The following ENTHD1 variants were observed in gnomAD, a reference collection of about 807,000 sequenced individuals.
ENTHD1 encodes the protein ENTH domain containing 1.
In ENTHD1, 23 loss-of-function variants were observed where a neutral mutation model predicts 39.1. That is an observed-to-expected ratio of 0.59 (90% CI 0.42 to 0.83). The LOEUF (loss-of-function observed/expected upper bound fraction) is 0.83. Among genes scored for constraint, ENTHD1 ranks in the 40% least tolerant of loss-of-function variants. ENTHD1 has a pLI of 0.00. For missense variants in ENTHD1, 624 were observed against 705.4 expected (o/e 0.88, Z 1.31); for synonymous variants, 230 against 258.2 (o/e 0.89, Z 1.05).
chr22:39,836,086 C>T, intron 3 of ENTHD1, 128 bp from the exon 4 acceptor site: 1 of 559,738 alleles, frequency 1.8e-6, no homozygotes, highest in African/African-American at 1.9e-5. Flanking sequence ...AAACCATCTG[C>T]CAGTGGTAAC....
intron 2 of ENTHD1, among the ~76,000 whole-genome samples, chr22:39,869,534 G>A (rs191266361): frequency 6.6e-5 from 10 of 152,030 alleles, no homozygotes; most frequent in African/African-American, 2.4e-4. Context: ...ATTAGTACAC[G>A]GGTGATGGGA....
At chr22:39,821,767 A>G (rs1264526999) in intron 4 of ENTHD1, among the ~76,000 whole-genome samples, 1 of 152,216 alleles carries the variant, frequency 6.6e-6, no homozygotes, top group African/African-American at 2.4e-5. Context: ...TAGCAAGTCA[A>G]GGTGCTGGCA....
intron 6 of ENTHD1, among the ~76,000 whole-genome samples, chr22:39,753,403 G>C (rs537354481): frequency 6.6e-6 from 1 of 152,286 alleles, no homozygotes; most frequent in South Asian, 2.1e-4. Context: ...GCTGTTCCAA[G>C]AACAGAGTTA....
At chr22:39,872,503 C>G (rs1804231592) in intron 2 of ENTHD1, among the ~76,000 whole-genome samples, 1 of 152,172 alleles carries the variant, frequency 6.6e-6, no homozygotes, top group African/African-American at 2.4e-5. Flanking sequence ...AACCTCCCCC[C>G]ACTGCCCAAC....
chr22:39,828,275 T>C (rs577609659), intron 4 of ENTHD1, among the ~76,000 whole-genome samples: 22 of 152,284 alleles, frequency 1.4e-4, no homozygotes, highest in African/African-American at 4.3e-4. Flanking sequence ...TGTGATGTTG[T>C]CTGAACACTT....
chr22:39,877,814 T>TG (rs2066304025), intron 2 of ENTHD1, among the ~76,000 whole-genome samples: 1 of 152,146 alleles, frequency 6.6e-6, no homozygotes, highest in Non-Finnish European at 1.5e-5. Flanking sequence ...CTAACTGATC[T>TG]GGAAGATCAG....
intron 6 of ENTHD1, among the ~76,000 whole-genome samples, chr22:39,759,991 C>T (rs1046715028): frequency 6.6e-6 from 1 of 151,314 alleles, no homozygotes; most frequent in Non-Finnish European, 1.5e-5. Flanking sequence ...TGTTTTCATA[C>T]CGCACTTTAT....
chr22:39,828,215 T>C (rs2065840961), intron 4 of ENTHD1, among the ~76,000 whole-genome samples: 1 of 152,168 alleles, frequency 6.6e-6, no homozygotes, highest in African/African-American at 2.4e-5. Flanking sequence ...GGAAAGGAAC[T>C]TGAGAAGCAT....
chr22:39,860,140 A>G, intron 3 of ENTHD1, among the ~76,000 whole-genome samples: 1 of 152,190 alleles, frequency 6.6e-6, no homozygotes, highest in Non-Finnish European at 1.5e-5. Context: ...TGTTAGTTCC[A>G]TGATAAAAGA....
chr22:39,872,704 T>C lies in ENTHD1; in HGVS notation c.350-10697A>G, dbSNP rs141533481. Among the ~76,000 whole-genome samples, 134 of 152,248 alleles carry C rather than the reference T, an allele frequency of 8.8e-4. 1 individual carries two copies. Among genetic ancestry groups the C allele is most frequent in the African/African-American group, 3.1e-3 (130 of 41,544 alleles). ...TGTTGGAGGATACAATGGGAGAGGA[T>C]ACAATGGGGAGTATTATACTAATAC... On this transcript the variant is annotated intron_variant, in intron 2 of 6. Coordinates refer to ENST00000325157, the MANE Select transcript of ENTHD1 (RefSeq NM_152512.4).
intron 1 of ENTHD1, among the ~76,000 whole-genome samples, chr22:39,891,269 C>T (rs1024804547): frequency 3.3e-5 from 5 of 152,180 alleles, no homozygotes; most frequent in African/African-American, 4.8e-5. Context: ...TTGTCATTTG[C>T]TCAGTGCCTT....
At chr22:39,803,108 G>A (rs190007334) in intron 5 of ENTHD1, among the ~76,000 whole-genome samples, 39 of 151,898 alleles carry the variant, frequency 2.6e-4, no homozygotes, top group Middle Eastern at 3.4e-3. Flanking sequence ...TGCTGTCTTC[G>A]GAACTCAGTC....
chr22:39,869,982 A>AATTT (rs2066227133), intron 2 of ENTHD1, among the ~76,000 whole-genome samples: 1 of 107,770 alleles, frequency 9.3e-6, no homozygotes, highest in Admixed American at 1.1e-4. Flanking sequence ...GGAGAACAGT[A>AATTT]CTTTATTTAT....
chr22:39,870,214 G>A (rs1324283095), intron 2 of ENTHD1, among the ~76,000 whole-genome samples: 4 of 151,828 alleles, frequency 2.6e-5, no homozygotes, highest in East Asian at 1.9e-4. Flanking sequence ...TTGCCATGTC[G>A]GCCAGGCTGG....
intron 6 of ENTHD1, among the ~76,000 whole-genome samples, chr22:39,746,917 G>A (rs1734921420): frequency 1.3e-5 from 2 of 152,184 alleles, no homozygotes; most frequent in African/African-American, 2.4e-5. Context: ...GGGTTGCAGA[G>A]GTAGGTGGGT....
At chr22:39,890,698 T>C (rs528205030) in intron 1 of ENTHD1, among the ~76,000 whole-genome samples, 2 of 152,272 alleles carry the variant, frequency 1.3e-5, no homozygotes, top group South Asian at 4.1e-4. Flanking sequence ...TCTAATCCAA[T>C]AGAGTAGTTT....
intron 3 of ENTHD1, among the ~76,000 whole-genome samples, chr22:39,845,478 G>GA (rs2065979667): frequency 6.6e-6 from 1 of 152,088 alleles, no homozygotes; most frequent in Admixed American, 6.5e-5. Context: ...CATTCCGGTA[G>GA]AAAAACGAGC....
chr22:39,839,548 C>T (rs1295514811), intron 3 of ENTHD1, among the ~76,000 whole-genome samples: 1 of 152,140 alleles, frequency 6.6e-6, no homozygotes, highest in Non-Finnish European at 1.5e-5. Flanking sequence ...AAATAAGAAT[C>T]TTTCATTTAT....
intron 2 of ENTHD1, among the ~76,000 whole-genome samples, chr22:39,880,068 A>T (rs548069273): frequency 6.6e-6 from 1 of 152,316 alleles, no homozygotes; most frequent in Non-Finnish European, 1.5e-5. Flanking sequence ...TCTCCACAAA[A>T]AATTTTAAAA....
Sources: allele counts gnomAD v4.1 joint callset (sites outside exome capture counted in the v4.1 genomes callset), GRCh38; gene constraint gnomAD v4.1.1; transcripts MANE v1.5; gene names NCBI Gene and HGNC (gene_info 2026-07-23, HGNC 2026-07-21).